Variants in HECTD4 observed in about 807,000 individuals in gnomAD.
HECTD4 encodes the protein probable E3 ubiquitin-protein ligase HECTD4.
A neutral mutation model predicts 471.5 loss-of-function variants in HECTD4; 114 were observed. The observed-to-expected ratio is 0.24, with a 90% CI of 0.21 to 0.28. The LOEUF (loss-of-function observed/expected upper bound fraction) is 0.28. Among genes scored for constraint, HECTD4 ranks in the 10% least tolerant of loss-of-function variants. The probability of loss-of-function intolerance (pLI) is 1.00; values close to 1 mark genes in which losing one functional copy is unlikely to be tolerated. For synonymous variants in HECTD4, 2,012 were observed against 2,256.0 expected, an observed-to-expected ratio of 0.89 and a Z score of 3.07; for missense variants, 3,866 against 5,651.5, an observed-to-expected ratio of 0.68 and a Z score of 10.13.
chr12:112,216,853 T>C lies in HECTD4; in HGVS notation c.7305A>G (p.Ile2435Met). The C allele has an allele frequency of 1.2e-6, 2 of 1,614,000 alleles. No individual in the cohort carries two copies. The highest frequency in any genetic ancestry group is 1.7e-6 in the Non-Finnish European group (2 of 1,179,886). Residue 2435 changes from isoleucine to methionine, a missense_variant, in exon 47 of 76, where the codon ATA (isoleucine) becomes ATG (methionine). Physicochemically the swap from Ile to Met is conservative, Grantham distance 10 (BLOSUM62 1). Transcript: ENST00000682272. ...CTTCTGTAGTGAAGCCAAAGGAAAC[T>C]ATGGGTCCGGTGTCATCATCGGTGT... ...YGDTDDDTGP[I>M]VSFGFTTEAE...
intron 62 of HECTD4, among the ~76,000 whole-genome samples, chr12:112,181,897 G>C (rs2031680681): frequency 6.6e-6 from 1 of 152,190 alleles, no homozygotes; most frequent in Non-Finnish European, 1.5e-5. Context: ...TTCGAGACCA[G>C]CCTGGCCAAC....
chr12:112,198,295 C>T (rs1397430034), intron 55 of HECTD4, among the ~76,000 whole-genome samples: 1 of 152,148 alleles, frequency 6.6e-6, no homozygotes, highest in Non-Finnish European at 1.5e-5. Context: ...TCACTGAGAT[C>T]TGAATTACAG....
At chr12:112,323,100 G>T (rs370923938) in intron 1 of HECTD4, 40 of 203,260 alleles carry the variant, frequency 2.0e-4, no homozygotes, top group African/African-American at 8.8e-4. Context: ...AGTGTTGGCT[G>T]GGCGCGGTGG....
At chr12:112,182,953 A>G in intron 62 of HECTD4, 106 bp downstream of exon 62, 1 of 771,792 alleles carries the variant, frequency 1.3e-6, no homozygotes, top group South Asian at 1.7e-5. Context: ...GATGTTAAAA[A>G]TAGGGGATAC....
In HECTD4 at chr12:112,167,339, T is replaced by C. The variant is rs766407186; in HGVS notation, c.12512A>G (p.Asn4171Ser). Residue 4171 changes from asparagine (N) to serine (S), a missense_variant, in exon 72 of 76, where the codon AAT becomes AGT. By Grantham distance (46) the Asn-to-Ser change is conservative (BLOSUM62 1). Coordinates refer to ENST00000682272, the MANE Select transcript of HECTD4 (RefSeq NM_001388303.1). ...CACGCTCTCAAACTTCTTGACGTAA[T>C]TGTAGGTGAGGATATCCGCTTCCTG... Reference protein sequence around the residue: ...DLQEADILTYNYVKKFESIND... With the variant: ...DLQEADILTYSYVKKFESIND... 2 of 1,612,856 alleles carry C rather than the reference T, an allele frequency of 1.2e-6. No individual in the cohort carries two copies. Among genetic ancestry groups the C allele is most frequent in the Non-Finnish European group, 1.7e-6 (2 of 1,179,290 alleles).
At chr12:112,377,976 A>G (rs1157809873) in intron 1 of HECTD4, among the ~76,000 whole-genome samples, 1 of 152,214 alleles carries the variant, frequency 6.6e-6, no homozygotes, top group African/African-American at 2.4e-5. Context: ...ATGTTGATCT[A>G]CTTCTTAGGA....
At chr12:112,223,418 T>C (rs1280724300) in intron 44 of HECTD4, among the ~76,000 whole-genome samples, 1 of 152,228 alleles carries the variant, frequency 6.6e-6, no homozygotes, top group Non-Finnish European at 1.5e-5. Flanking sequence ...ATATTTCTTT[T>C]TTTCTTTCTT....
At chr12:112,231,156 C>T (rs1319535090) in intron 39 of HECTD4, 2 of 440,298 alleles carry the variant, frequency 4.5e-6, no homozygotes, top group Non-Finnish European at 8.2e-6. Flanking sequence ...TTAACTGCTG[C>T]TTCTGCTCCT....
Position 112,381,937 on chromosome 12 carries a change from G to A in HECTD4, c.177+15C>T, listed in dbSNP as rs2135778788. The A allele has an allele frequency of 8.2e-7, 1 of 1,222,624 alleles. No homozygotes were observed. The highest frequency in any genetic ancestry group is 1.0e-6 in the Non-Finnish European group (1 of 981,944). The allele number at this position is 1,222,624 out of a possible 1,614,324, so 75.7% of individuals were successfully genotyped here. A position where few individuals can be genotyped will look rare whatever the true frequency, so the allele number is the denominator to read the frequency against. On this transcript the variant is annotated intron_variant, in intron 1 of 75. Transcript: ENST00000682272. This position sits in a 1 kb window ranked among gnomAD's most constrained non-coding sequence, Gnocchi z 4.1. ...GGTCAGTCCGATGGCGGGGGCCGGGGGCCGCCTCGCTCACCTCCAGGTCGG... is the reference window on the plus strand; with the variant it reads ...GGTCAGTCCGATGGCGGGGGCCGGGAGCCGCCTCGCTCACCTCCAGGTCGG...
intron 1 of HECTD4, among the ~76,000 whole-genome samples, chr12:112,349,388 C>CAAA (rs60480485): frequency 6.9e-3 from 376 of 54,276 alleles, no homozygotes; most frequent in East Asian, 0.017. Flanking sequence ...ACTCTTGCTC[C>CAAA]AAAAAAAAAA....
chr12:112,334,763 T>C (rs1246462863), intron 1 of HECTD4, among the ~76,000 whole-genome samples: 2 of 143,340 alleles, frequency 1.4e-5, no homozygotes, highest in Non-Finnish European at 3.0e-5. Context: ...TGAGGAGAGA[T>C]CCTGCCATTG....
chr12:112,334,977 A>C (rs929114319), intron 1 of HECTD4, among the ~76,000 whole-genome samples: 2 of 152,224 alleles, frequency 1.3e-5, no homozygotes, highest in African/African-American at 4.8e-5. Context: ...TAGAATTACC[A>C]TTTGATCCAC....
At chr12:112,354,258 G>A (rs947198622) in intron 1 of HECTD4, among the ~76,000 whole-genome samples, 4 of 151,820 alleles carry the variant, frequency 2.6e-5, no homozygotes, top group East Asian at 1.9e-4. Flanking sequence ...GCAGGATCTC[G>A]CCATGTTGCC....
At chr12:112,251,923 C>T (rs1022269840) in intron 23 of HECTD4, among the ~76,000 whole-genome samples, 14 of 152,280 alleles carry the variant, frequency 9.2e-5, no homozygotes, top group African/African-American at 3.1e-4. Context: ...AGGTGCCCAC[C>T]ACCACATCTG....
chr12:112,367,302 AAAAAAAAG>A (rs1198414339), intron 1 of HECTD4, among the ~76,000 whole-genome samples: 3 of 107,060 alleles, frequency 2.8e-5, no homozygotes, highest in African/African-American at 1.1e-4. Context: ...TGGTCTCAAA[AAAAAAAAG>A]AAAGAAAGAA....
intron 4 of HECTD4, 103 bp downstream of exon 4, chr12:112,312,914 A>T: frequency 1.1e-6 from 1 of 898,482 alleles, no homozygotes; most frequent in Non-Finnish European, 1.6e-6. Context: ...GCTCTTAATT[A>T]AAAGGAACAT....
intron 7 of HECTD4, among the ~76,000 whole-genome samples, chr12:112,296,240 C>T (rs1023069946): frequency 4.1e-5 from 6 of 144,584 alleles, no homozygotes; most frequent in Non-Finnish European, 8.9e-5. Context: ...GTGGTAGGTG[C>T]AGAGCGTGTA....
intron 1 of HECTD4, among the ~76,000 whole-genome samples, chr12:112,371,027 C>T (rs999897063): frequency 6.6e-6 from 1 of 152,216 alleles, no homozygotes; most frequent in Non-Finnish European, 1.5e-5. Flanking sequence ...GGGGCACTTT[C>T]GGCAATTGAC....
Position 112,163,493 on chromosome 12 carries a change from C to G in HECTD4, c.12897+49G>C. 1.4e-6 allele frequency: 2 copies of G among 1,418,544 alleles called. No individual in the cohort carries two copies. The highest frequency in any genetic ancestry group is 1.9e-6 in the Non-Finnish European group (2 of 1,071,278). 87.9% of individuals were successfully genotyped at this position (1,418,544 alleles called of 1,614,324 possible). On this transcript the variant is annotated intron_variant, in intron 74 of 75. Transcript: ENST00000682272. This position sits in a 1 kb window ranked among gnomAD's most constrained non-coding sequence, Gnocchi z 8.2. ...TGGAGTTGAGGGTGACAGGGAGGCA[C>G]GCCTGGGGCTCACCACCTCCCCGCC...
Sources: allele counts gnomAD v4.1 joint callset (sites outside exome capture counted in the v4.1 genomes callset), GRCh38; gene constraint gnomAD v4.1.1; non-coding constraint Gnocchi (gnomAD v3.1); transcripts MANE v1.5; gene names NCBI Gene and HGNC (gene_info 2026-07-23, HGNC 2026-07-21).